CAD: variants seen among roughly 807,000 people sequenced by gnomAD.
The protein encoded by CAD is carbamoyl-phosphate synthetase 2, aspartate transcarbamylase, and dihydroorotase.
Under a neutral mutation model 237.2 loss-of-function variants are expected in CAD, and 81 were observed. That is an observed-to-expected ratio of 0.34 (90% CI 0.29 to 0.41). CAD has a LOEUF of 0.41. CAD is among the 10% of genes least tolerant of loss of function. The pLI is 1.00. For synonymous variants in CAD, 1,196 were observed against 1,162.8 expected, an observed-to-expected ratio of 1.03 and a Z score of -0.58; for missense variants, 2,181 against 2,951.7, an observed-to-expected ratio of 0.74 and a Z score of 6.05.
chr2:27,217,555 G>T lies in CAD; in HGVS notation c.4G>T (p.Ala2Ser). 1 of 1,605,086 alleles carries T rather than the reference G, an allele frequency of 6.2e-7. No individual in the cohort carries two copies. The highest frequency in any genetic ancestry group is 1.7e-5 in the Admixed American group (1 of 59,454). Residue 2 changes from alanine to serine, a missense_variant, in exon 1 of 44, where the codon GCG (alanine) becomes TCG (serine). Transcript: ENST00000264705. ...CCCGCCTCTGAGCTCCCTTCCCATG[G>T]CGGCCCTAGTGTTGGAGGACGGGTC... M[A>S]ALVLEDGSVL...
rs774489526 is a variant in CAD at position 27,236,975 on chromosome 2, C to G, written c.4396+145C>G. ...GACCCCAGAATGTTTCTCACTCTTT[C>G]ATTCCTTAATCCACAGTGTCCACAG... On this transcript the variant is annotated intron_variant, in intron 27 of 43. Coordinates refer to ENST00000264705, the MANE Select transcript of CAD (RefSeq NM_004341.5). The surrounding 1 kb of genome is among the most constrained non-coding windows in gnomAD (Gnocchi z 4.1). The G allele has an allele frequency of 2.3e-5, 16 of 695,506 alleles. No individual in the cohort carries two copies. The highest frequency in any genetic ancestry group is 3.6e-5 in the Non-Finnish European group (14 of 388,054). 43.1% of individuals were successfully genotyped at this position (695,506 alleles called of 1,614,324 possible).
At chr2:27,224,303 C>T in intron 8 of CAD, 42 bp from the exon 9 acceptor site, 1 of 1,608,864 alleles carries the variant, frequency 6.2e-7, no homozygotes, top group South Asian at 1.1e-5. Flanking sequence ...CTCTTGGGTC[C>T]AGCTCAGCTC....
Position 27,232,154 on chromosome 2 carries a change from C to T in CAD, c.2575C>T (p.Pro859Ser), listed in dbSNP as rs1675792225. The change falls in exon 17 of 44, where the codon CCG (proline) becomes TCG (serine). Residue 859 changes from proline (P) to serine (S), a missense_variant. Physicochemically the swap from Pro to Ser is moderately conservative, Grantham distance 74. Coordinates refer to ENST00000264705, the MANE Select transcript of CAD (RefSeq NM_004341.5). The surrounding 1 kb of genome is among the most constrained non-coding windows in gnomAD (Gnocchi z 4.1). Reference sequence around the variant, plus strand: ...AGAACAACACCGTGGACAGCCTTTGCCGCCAGACCTGCTGCAACAGGCCAA... The same window carrying T: ...AGAACAACACCGTGGACAGCCTTTGTCGCCAGACCTGCTGCAACAGGCCAA... ...LLEQHRGQPL[P>S]PDLLQQAKCL... 2.5e-6 allele frequency: 4 copies of T among 1,614,132 alleles called. No individual in the cohort carries two copies. Among genetic ancestry groups the T allele is most frequent in the Admixed American group, 1.7e-5 (1 of 60,004 alleles).
At position 27,238,164 on chromosome 2, in the gene CAD, T is replaced by G. The variant is rs759326745; in HGVS notation, c.4837T>G (p.Cys1613Gly). The G allele has an allele frequency of 6.2e-7, 1 of 1,614,100 alleles. No homozygotes were observed. The highest frequency in any genetic ancestry group is 1.1e-5 in the South Asian group (1 of 91,074). Residue 1613 changes from cysteine to glycine, a missense_variant, in exon 30 of 44, where the codon TGT becomes GGT. Cys to Gly is a radical substitution (Grantham distance 159). Around this residue, in one of 12 missense-constraint regions of CAD, gnomAD observed 478 missense variants for 515.0 expected, o/e 0.93. Coordinates refer to ENST00000264705, the MANE Select transcript of CAD (RefSeq NM_004341.5). The part of the protein sequence containing the change: ...AQLTQRSVHI[C>G]HVARKEEILL... ...GCTCACTCAGCGCTCAGTGCACATA[T>G]GTCACGTGGCACGGAAGGAGGAGGT...
chr2:27,232,819 G>A lies in CAD; in HGVS notation c.2892+125G>A. ...TACTTTGGTCATAGAGCTTTGGGGT[G>A]GGGGTCCTTTTAGGCCATCTCTCAT... On this transcript the variant is annotated intron_variant, in intron 18 of 43. Coordinates refer to ENST00000264705, the MANE Select transcript of CAD (RefSeq NM_004341.5). This position sits in a 1 kb window ranked among gnomAD's most constrained non-coding sequence, Gnocchi z 4.1. 1 of 1,257,406 alleles carries A rather than the reference G, an allele frequency of 8.0e-7. No individual in the cohort carries two copies. The highest frequency in any genetic ancestry group is 1.1e-6 in the Non-Finnish European group (1 of 884,568). 77.9% of individuals were successfully genotyped at this position (1,257,406 alleles called of 1,614,324 possible). A position where few individuals can be genotyped will look rare whatever the true frequency, so the allele number is the denominator to read the frequency against.
At position 27,228,576 on chromosome 2, in the gene CAD, A is replaced by G. The variant is rs538700210; in HGVS notation, c.2287+1614A>G. On this transcript the variant is annotated intron_variant, in intron 15 of 43. Coordinates refer to ENST00000264705, the MANE Select transcript of CAD (RefSeq NM_004341.5). ...TGCATTCCAGTCTGGGTGCCAGGCT[A>G]AGACCCTGTCTTTTTTGTTTGTTTG... Among the ~76,000 whole-genome samples the G allele has an allele frequency of 1.4e-4, 22 of 151,958 alleles. No homozygotes were observed. In the East Asian group the frequency reaches 1.5e-3, roughly 11 times the overall value.
intron 15 of CAD, among the ~76,000 whole-genome samples, chr2:27,230,049 C>A (rs1027747764): frequency 6.6e-5 from 10 of 150,880 alleles, no homozygotes; most frequent in Admixed American, 2.6e-4. Flanking sequence ...ACCAGCCTGG[C>A]CAACATGGTG....
At chr2:27,226,021 C>A in intron 12 of CAD, 95 bp downstream of exon 12, 1 of 1,484,272 alleles carries the variant, frequency 6.7e-7, no homozygotes, top group East Asian at 2.3e-5. Flanking sequence ...GTTGTATGTC[C>A]CTCAGACCCA....
chr2:27,221,202 CTCTT>C lies in CAD; in HGVS notation c.223-13_223-10del. ...AACTTGGCCTGAGGCTTCTCACAAT[CTCTT>C]TCCATCTACAGTGGTTTGAATCCTC... is the stretch of plus-strand genomic sequence containing the variant. On this transcript the variant is annotated splice_polypyrimidine_tract_variant and intron_variant, in intron 2 of 43. Coordinates refer to ENST00000264705, the MANE Select transcript of CAD (RefSeq NM_004341.5). 1 of 1,487,692 alleles carries C rather than the reference CTCTT, an allele frequency of 6.7e-7. No individual in the cohort carries two copies. Among genetic ancestry groups the C allele is most frequent in the Non-Finnish European group, 9.0e-7 (1 of 1,108,736 alleles). 92.2% of individuals were successfully genotyped at this position (1,487,692 alleles called of 1,614,324 possible).
chr2:27,238,281 G>A, intron 30 of CAD, 94 bp downstream of exon 30: 1 of 1,511,544 alleles, frequency 6.6e-7, no homozygotes, highest in Middle Eastern at 1.7e-4. Flanking sequence ...AGCAGGAGGA[G>A]AGTCTGGAGA....
Position 27,234,041 on chromosome 2 carries a change from G to A in CAD, c.3433G>A (p.Val1145Met), listed in dbSNP as rs767613339. ...IDVDAVASDG[V>M]VAAIAISEHV... Reference sequence around the variant, plus strand: ...CGTGGATGCCGTGGCCTCTGATGGTGTGGTGGCAGCCATCGCCATCTCTGA... The same window carrying A: ...CGTGGATGCCGTGGCCTCTGATGGTATGGTGGCAGCCATCGCCATCTCTGA... The change falls in exon 22 of 44, where the codon GTG becomes ATG. Residue 1145 changes from valine to methionine, a missense_variant. Coordinates refer to ENST00000264705, the MANE Select transcript of CAD (RefSeq NM_004341.5). The A allele has an allele frequency of 6.2e-7, 1 of 1,614,112 alleles. No homozygotes were observed. Among genetic ancestry groups the A allele is most frequent in the Middle Eastern group, 1.7e-4 (1 of 6,046 alleles).
Position 27,240,875 on chromosome 2 carries a change from C to G in CAD, c.5594-36C>G. On this transcript the variant is annotated intron_variant, in intron 35 of 43. Coordinates refer to ENST00000264705, the MANE Select transcript of CAD (RefSeq NM_004341.5). This position sits in a 1 kb window ranked among gnomAD's most constrained non-coding sequence, Gnocchi z 4.6. ...ATGGGGTTTCTTTCCAAACCTCAGC[C>G]ATAAATGTATATCTGTCCTCTTGTC... 1 of 1,610,502 alleles carries G rather than the reference C, an allele frequency of 6.2e-7. No homozygotes were observed. Among genetic ancestry groups the G allele is most frequent in the South Asian group, 1.1e-5 (1 of 90,994 alleles).
chr2:27,243,585 CG>C lies in CAD; in HGVS notation c.*72del. ...GGGCAAGGAATTCCAGTGCCTCCTACGGGGGCAGCACACTTAGATATTCCTG... is the reference window on the plus strand; with the variant it reads ...GGGCAAGGAATTCCAGTGCCTCCTACGGGGCAGCACACTTAGATATTCCTG... On this transcript the variant is annotated 3_prime_UTR_variant, in exon 44 of 44. Coordinates refer to ENST00000264705, the MANE Select transcript of CAD (RefSeq NM_004341.5). 8.7e-7 allele frequency: 1 copy of C among 1,154,112 alleles called. No homozygotes were observed. The highest frequency in any genetic ancestry group is 1.3e-6 in the Non-Finnish European group (1 of 789,820). 71.5% of individuals were successfully genotyped at this position (1,154,112 alleles called of 1,614,324 possible).
At chr2:27,221,184 C>A in intron 2 of CAD, 34 bp from the exon 3 acceptor site, 1 of 1,487,664 alleles carries the variant, frequency 6.7e-7, no homozygotes, top group Middle Eastern at 1.8e-4. Context: ...AATAACTTGG[C>A]CTGAGGCTTC....
Position 27,225,854 on chromosome 2 carries a change from A to G in CAD, c.1770A>G (p.Val590=). 1 of 1,614,220 alleles carries G rather than the reference A, an allele frequency of 6.2e-7. No homozygotes were observed. Among genetic ancestry groups the G allele is most frequent in the Admixed American group, 1.7e-5 (1 of 60,024 alleles). Residue 590 remains valine, a synonymous_variant, in exon 12 of 44, where the codon GTA becomes GTG. Transcript: ENST00000264705. ...PAFAHTSQVL[V]DKSLKGWKEI... The stretch of plus-strand genomic sequence containing the variant: ...TTGCCCATACCAGCCAAGTGCTAGT[A>G]GACAAGTCTCTGAAGGGATGGAAGG...
Position 27,241,867 on chromosome 2 carries a change from G to A in CAD, c.5884-44G>A. 1.3e-6 allele frequency: 2 copies of A among 1,534,948 alleles called. No homozygotes were observed. Among genetic ancestry groups the A allele is most frequent in the Non-Finnish European group, 1.8e-6 (2 of 1,113,116 alleles). ...TGGTGCCTAGCTGGGGTTTCCCCAG[G>A]GTGGACACGCATACGTACACCTTCC... On this transcript the variant is annotated intron_variant, in intron 38 of 43. Coordinates refer to ENST00000264705, the MANE Select transcript of CAD (RefSeq NM_004341.5). This position sits in a 1 kb window ranked among gnomAD's most constrained non-coding sequence, Gnocchi z 4.6.
rs149058073 is a variant in CAD at position 27,223,013 on chromosome 2, T to C, written c.785T>C (p.Ile262Thr). ...GGACACCAGCTATTGGCCTTAGCCATTGGGGCCAAGACTTACAAGATGAGG... is the reference window on the plus strand; with the variant it reads ...GGACACCAGCTATTGGCCTTAGCCACTGGGGCCAAGACTTACAAGATGAGG... Reference protein sequence around the residue: ...CLGHQLLALAIGAKTYKMRYG... With the variant: ...CLGHQLLALATGAKTYKMRYG... The change falls in exon 6 of 44, where the codon ATT (isoleucine) becomes ACT (threonine). Residue 262 changes from isoleucine to threonine, a missense_variant. By Grantham distance (89) the Ile-to-Thr change is moderately conservative (BLOSUM62 -1). Around this residue, in one of 12 missense-constraint regions of CAD, gnomAD observed 314 missense variants for 339.4 expected, o/e 0.93. Coordinates refer to ENST00000264705, the MANE Select transcript of CAD (RefSeq NM_004341.5). 41 of 1,614,138 alleles carry C rather than the reference T, an allele frequency of 2.5e-5. No individual in the cohort carries two copies. The Middle Eastern group carries it at 4.9e-4, about 19-fold the overall frequency.
At chr2:27,230,583 G>A (rs1333119109) in intron 15 of CAD, among the ~76,000 whole-genome samples, 1 of 151,878 alleles carries the variant, frequency 6.6e-6, no homozygotes, top group Non-Finnish European at 1.5e-5. Flanking sequence ...TCGAGACCGT[G>A]CCATTGCATT....
At chr2:27,225,658 G>A (rs1390705895) in intron 11 of CAD, 47 bp from the exon 12 acceptor site, 2 of 1,388,050 alleles carry the variant, frequency 1.4e-6, no homozygotes, top group South Asian at 1.2e-5. Context: ...GGCACACCTT[G>A]GACAGTAGGA....
Sources: allele counts gnomAD v4.1 joint callset (sites outside exome capture counted in the v4.1 genomes callset), GRCh38; gene constraint gnomAD v4.1.1; regional missense constraint gnomAD v4.1.1; non-coding constraint Gnocchi (gnomAD v3.1); transcripts MANE v1.5; gene names NCBI Gene and HGNC (gene_info 2026-07-23, HGNC 2026-07-21).